The following ST6GAL1 variants were observed in gnomAD, a reference collection of about 807,000 sequenced individuals.
The protein encoded by ST6GAL1 is beta-galactoside alpha-2,6-sialyltransferase 1.
In ST6GAL1, 20 loss-of-function variants were observed where a neutral mutation model predicts 38.0. The observed-to-expected ratio is 0.53, with a 90% CI of 0.37 to 0.77. ST6GAL1 has a LOEUF of 0.77. Among genes scored for constraint, ST6GAL1 ranks in the 30% least tolerant of loss-of-function variants. ST6GAL1 has a pLI of 0.00. For synonymous variants in ST6GAL1, 196 were observed against 188.2 expected (o/e 1.04, Z -0.34); for missense variants, 432 against 496.4 (o/e 0.87, Z 1.23).
intron 1 of ST6GAL1, among the ~76,000 whole-genome samples, chr3:186,950,475 G>A (rs1714539369): frequency 6.6e-6 from 1 of 152,202 alleles, no homozygotes; most frequent in Non-Finnish European, 1.5e-5. Context: ...CAGGCTTAGG[G>A]CTAGGAGCAG....
chr3:187,068,692 C>T (rs1719257706), intron 5 of ST6GAL1, among the ~76,000 whole-genome samples: 1 of 152,198 alleles, frequency 6.6e-6, no homozygotes, highest in Admixed American at 6.5e-5. Flanking sequence ...TCCTGCTTTG[C>T]ATACTCAAAA....
intron 2 of ST6GAL1, among the ~76,000 whole-genome samples, chr3:187,037,954 T>C (rs1717986185): frequency 6.6e-6 from 1 of 152,068 alleles, no homozygotes; most frequent in African/African-American, 2.4e-5. Flanking sequence ...ATTTGGATAG[T>C]GTTTACCGTT....
chr3:186,956,830 A>G (rs1474619667), intron 1 of ST6GAL1, among the ~76,000 whole-genome samples: 1 of 152,218 alleles, frequency 6.6e-6, no homozygotes, highest in Non-Finnish European at 1.5e-5. Flanking sequence ...AAGACAGCTA[A>G]CGATCACCAG....
At chr3:186,966,731 C>A (rs1431509601) in intron 2 of ST6GAL1, among the ~76,000 whole-genome samples, 3 of 152,154 alleles carry the variant, frequency 2.0e-5, no homozygotes, top group East Asian at 3.9e-4. Flanking sequence ...TCCTCTCATT[C>A]AGCTGATGCC....
At chr3:187,027,459 C>A (rs750341260) in intron 2 of ST6GAL1, among the ~76,000 whole-genome samples, 2 of 152,240 alleles carry the variant, frequency 1.3e-5, no homozygotes, top group East Asian at 3.9e-4. Context: ...TTCAGGAACC[C>A]GCATTTTAAC....
chr3:187,072,640 T>C, intron 5 of ST6GAL1: 1 of 545,586 alleles, frequency 1.8e-6, no homozygotes, highest in Non-Finnish European at 3.4e-6. Flanking sequence ...CTATGGCTAG[T>C]GGCTTGTGAT....
At chr3:186,940,670 C>T (rs1018805407) in intron 1 of ST6GAL1, among the ~76,000 whole-genome samples, 1 of 152,106 alleles carries the variant, frequency 6.6e-6, no homozygotes, top group East Asian at 1.9e-4. Context: ...ATAATTCTTC[C>T]AGTGTGGGCC....
intron 1 of ST6GAL1, among the ~76,000 whole-genome samples, chr3:186,958,569 G>C (rs1714822410): frequency 6.6e-6 from 1 of 152,158 alleles, no homozygotes; most frequent in African/African-American, 2.4e-5. Flanking sequence ...GGATATGGAG[G>C]GGTGGGGCAG....
At chr3:186,941,637 A>C (rs1414396315) in intron 1 of ST6GAL1, among the ~76,000 whole-genome samples, 1 of 152,040 alleles carries the variant, frequency 6.6e-6, no homozygotes, top group Non-Finnish European at 1.5e-5. Flanking sequence ...ATAAGGAAGA[A>C]CTGACTTAAC....
In ST6GAL1 at chr3:187,042,749, G is replaced by T. The variant is rs774309227; in HGVS notation, c.46G>T (p.Val16Phe). The T allele has an allele frequency of 1.2e-6, 2 of 1,614,046 alleles. No homozygotes were observed. The highest frequency in any genetic ancestry group is 1.1e-5 in the South Asian group (1 of 91,070). The part of the protein sequence containing the change: ...LKKKFSCCVL[V>F]FLLFAVICVW... ...GAAAAAGTTCAGCTGCTGCGTCCTG[G>T]TCTTTCTTCTGTTTGCAGTCATCTG... The change falls in exon 4 of 8, where the codon GTC becomes TTC. Residue 16 changes from valine to phenylalanine, a missense_variant. By Grantham distance (50) the Val-to-Phe change is conservative (BLOSUM62 -1). Transcript: ENST00000169298.
chr3:187,037,641 C>T (rs894396327), intron 2 of ST6GAL1, among the ~76,000 whole-genome samples: 3 of 152,104 alleles, frequency 2.0e-5, no homozygotes, highest in Non-Finnish European at 2.9e-5. Flanking sequence ...AGTGCAGTGG[C>T]GCTCATAGCT....
chr3:186,961,209 C>T (rs1223001869), intron 1 of ST6GAL1, among the ~76,000 whole-genome samples: 1 of 152,174 alleles, frequency 6.6e-6, no homozygotes, highest in African/African-American at 2.4e-5. Flanking sequence ...CTCCTGACCT[C>T]AGATGATCCT....
intron 5 of ST6GAL1, among the ~76,000 whole-genome samples, chr3:187,066,168 C>T (rs1258475237): frequency 2.0e-5 from 3 of 152,308 alleles, no homozygotes; most frequent in South Asian, 2.1e-4. Context: ...CCCTGCCATA[C>T]AGTCTATTAA....
chr3:186,931,142 A>G (rs1162567652), intron 1 of ST6GAL1: 2 of 72,082 alleles, frequency 2.8e-5, no homozygotes, highest in African/African-American at 1.0e-4. Flanking sequence ...CGGCACCGTC[A>G]GTATGGGGTG....
intron 2 of ST6GAL1, among the ~76,000 whole-genome samples, chr3:186,984,794 T>G: frequency 3.8e-5 from 1 of 25,978 alleles, no homozygotes; most frequent in Non-Finnish European, 8.4e-5. Context: ...CTCCCTTCCT[T>G]CCTTCCTTCC....
At chr3:186,968,708 T>G (rs1715235684) in intron 2 of ST6GAL1, among the ~76,000 whole-genome samples, 1 of 152,248 alleles carries the variant, frequency 6.6e-6, no homozygotes, top group African/African-American at 2.4e-5. Context: ...GTCCTAGTTG[T>G]GGATATACCA....
In ST6GAL1 at chr3:186,946,947, C is replaced by T. The variant is rs545068034; in HGVS notation, c.-325+16113C>T. On this transcript the variant is annotated intron_variant, in intron 1 of 7. Transcript: ENST00000169298. ...GGACAGCTGGGGATTGGGGCCCACA[C>T]GACAATGGAAAAGGTTTCACCCAGG... Among the ~76,000 whole-genome samples, 14 of 152,056 alleles carry T rather than the reference C, an allele frequency of 9.2e-5. No homozygotes were observed. The South Asian group carries it at 1.2e-3, about 14-fold the overall frequency.
At chr3:186,958,583 C>G (rs1714822954) in intron 1 of ST6GAL1, among the ~76,000 whole-genome samples, 2 of 152,150 alleles carry the variant, frequency 1.3e-5, no homozygotes, top group Admixed American at 6.5e-5. Context: ...GGGGCAGGGC[C>G]TGCTGTTTCT....
chr3:187,054,293 C>G (rs1718615696), intron 5 of ST6GAL1, among the ~76,000 whole-genome samples: 1 of 152,148 alleles, frequency 6.6e-6, no homozygotes, highest in African/African-American at 2.4e-5. Flanking sequence ...CCCTTTATTT[C>G]TTTCTCTTGC....
Sources: gnomAD v4.1 joint callset for allele counts (sites outside exome capture counted in the v4.1 genomes callset) on GRCh38, gnomAD v4.1.1 for gene constraint, MANE v1.5 for transcripts, NCBI Gene and HGNC (gene_info 2026-07-23, HGNC 2026-07-21) for gene names.